The following IL21R variants were observed in gnomAD, a reference collection of about 807,000 sequenced individuals.
IL21R encodes the protein interleukin-21 receptor.
Under a neutral mutation model 41.3 loss-of-function variants are expected in IL21R, and 14 were observed. That is an observed-to-expected ratio of 0.34 (90% CI 0.22 to 0.53). The LOEUF (loss-of-function observed/expected upper bound fraction) is 0.53. Ranked by LOEUF, IL21R falls within the 20% of genes least tolerant of loss-of-function variation. IL21R has a pLI of 0.94. For missense variants in IL21R, 588 were observed against 681.6 expected, an observed-to-expected ratio of 0.86 and a Z score of 1.53; for synonymous variants, 286 against 287.6, an observed-to-expected ratio of 0.99 and a Z score of 0.05.
At chr16:27,409,545 A>G (rs1051045976) in intron 1 of IL21R, among the ~76,000 whole-genome samples, 8 of 151,998 alleles carry the variant, frequency 5.3e-5, no homozygotes, top group African/African-American at 1.9e-4. Context: ...ATTTTTCTGT[A>G]TGGTGTAAGG....
At chr16:27,405,041 A>ATTTTTTT in intron 1 of IL21R, among the ~76,000 whole-genome samples, 1 of 147,812 alleles carries the variant, frequency 6.8e-6, no homozygotes, top group East Asian at 2.0e-4. Context: ...TTTTTTTTTA[A>ATTTTTTT]TTTTTTTTTG....
At position 27,451,586 on chromosome 16, in the gene IL21R, G is replaced by A. The variant is rs1418721093; in HGVS notation, c.*2303G>A. 1 of 212,322 alleles carries A rather than the reference G, an allele frequency of 4.7e-6. No homozygotes were observed. The highest frequency in any genetic ancestry group is 9.5e-6 in the Non-Finnish European group (1 of 104,996). The allele number at this position is 212,322 out of a possible 1,614,324, so 13.2% of individuals were successfully genotyped here. A position where few individuals can be genotyped will look rare whatever the true frequency, so the allele number is the denominator to read the frequency against. On this transcript the variant is annotated 3_prime_UTR_variant, in exon 9 of 9. Coordinates refer to ENST00000337929, the MANE Select transcript of IL21R (RefSeq NM_181078.3). ...TTAAAAAAATTAGCCAGGTGTGGTG[G>A]TGCTTGCCTATAGTCCCAGCTACTC...
Position 27,444,714 on chromosome 16 carries a change from C to A in IL21R, c.680C>A (p.Ser227Ter). 2 of 1,498,214 alleles carry A rather than the reference C, an allele frequency of 1.3e-6. No homozygotes were observed. Among genetic ancestry groups the A allele is most frequent in the Non-Finnish European group, 1.8e-6 (2 of 1,122,720 alleles). 92.8% of individuals were successfully genotyped at this position (1,498,214 alleles called of 1,614,324 possible). ...GACCCGGTCATCTTTCAGACCCAGT[C>A]AGAGGGTAGGTGTGAAGCTGGGATG... ...WSDPVIFQTQ[S>*]EELKEGWNPH... The change falls in exon 6 of 9, where the codon TCA becomes TAA. Residue 227 changes from serine to a stop codon, truncating the protein, a stop_gained. Transcript: ENST00000337929. LOFTEE classifies it high-confidence loss of function.
chr16:27,440,031 G>A (rs1427210312), intron 4 of IL21R, among the ~76,000 whole-genome samples: 2 of 151,858 alleles, frequency 1.3e-5, no homozygotes, highest in Admixed American at 6.6e-5. Flanking sequence ...GGTTAGAAAC[G>A]ATTTCAGTCA....
chr16:27,439,430 A>G (rs1446432758), intron 4 of IL21R, among the ~76,000 whole-genome samples: 2 of 151,882 alleles, frequency 1.3e-5, no homozygotes, highest in Non-Finnish European at 2.9e-5. Context: ...CATCACTCAT[A>G]CATGGGCACA....
chr16:27,434,239 TG>T, intron 2 of IL21R, 107 bp from the exon 3 acceptor site: 4 of 716,626 alleles, frequency 5.6e-6, no homozygotes, highest in South Asian at 5.0e-5. Flanking sequence ...TGTCCCGGCC[TG>T]GGGACCCCTG....
chr16:27,440,913 T>C (rs2087376765), intron 4 of IL21R, among the ~76,000 whole-genome samples: 1 of 151,844 alleles, frequency 6.6e-6, no homozygotes, highest in Non-Finnish European at 1.5e-5. Context: ...TAGCCAGTCA[T>C]GGTGGTGCGC....
intron 3 of IL21R, 28 bp from the exon 4 acceptor site, chr16:27,437,460 G>A: frequency 1.2e-6 from 2 of 1,603,122 alleles, no homozygotes; most frequent in African/African-American, 1.3e-5. Flanking sequence ...CTGGCTTCCA[G>A]CCATGACCGG....
intron 1 of IL21R, among the ~76,000 whole-genome samples, chr16:27,419,124 A>G (rs2086956470): frequency 6.6e-6 from 1 of 152,160 alleles, no homozygotes; most frequent in Admixed American, 6.5e-5. Flanking sequence ...CTGAGACAGG[A>G]GAATCACTTG....
chr16:27,441,523 G>GA (rs1390778344), intron 4 of IL21R, among the ~76,000 whole-genome samples: 1 of 152,218 alleles, frequency 6.6e-6, no homozygotes, highest in Non-Finnish European at 1.5e-5. Flanking sequence ...AAACTGCCCA[G>GA]AGCAGGGCAG....
intron 1 of IL21R, among the ~76,000 whole-genome samples, chr16:27,405,281 T>C (rs897466824): frequency 2.6e-5 from 4 of 152,118 alleles, no homozygotes; most frequent in Non-Finnish European, 5.9e-5. Context: ...GATCTGCCTG[T>C]CTCAGTCTCC....
intron 2 of IL21R, 28 bp downstream of exon 2, chr16:27,430,148 TG>T: frequency 6.3e-7 from 1 of 1,594,660 alleles, no homozygotes. Flanking sequence ...GGTCTGCGGG[TG>T]GGGAGGGCCC....
intron 1 of IL21R, among the ~76,000 whole-genome samples, chr16:27,412,477 T>C (rs2086837064): frequency 6.6e-6 from 1 of 152,026 alleles, no homozygotes; most frequent in Non-Finnish European, 1.5e-5. Context: ...TTAGGGTCCC[T>C]TGAAGTTCCA....
In IL21R at chr16:27,446,060, T is replaced by C. The variant is rs1555498519; in HGVS notation, c.839T>C (p.Leu280Pro). 1 of 1,613,708 alleles carries C rather than the reference T, an allele frequency of 6.2e-7. No individual in the cohort carries two copies. The highest frequency in any genetic ancestry group is 8.5e-7 in the Non-Finnish European group (1 of 1,179,852). The change falls in exon 8 of 9, where the codon CTG becomes CCG. Residue 280 changes from leucine (L) to proline (P), a missense_variant. Leu to Pro is a moderately conservative substitution (Grantham distance 98). Transcript: ENST00000337929. ...AGCCCTGAGCGGTTCTTCATGCCCCTGTACAAGGGCTGCAGCGGAGACTTC... is the reference window on the plus strand; with the variant it reads ...AGCCCTGAGCGGTTCTTCATGCCCCCGTACAAGGGCTGCAGCGGAGACTTC... ...VPSPERFFMP[L>P]YKGCSGDFKK... is the part of the protein sequence containing the mutation.
chr16:27,432,580 C>T (rs1375464455), intron 2 of IL21R, among the ~76,000 whole-genome samples: 2 of 152,224 alleles, frequency 1.3e-5, no homozygotes, highest in Non-Finnish European at 1.5e-5. Context: ...GGTAGCTCCT[C>T]TCCAAATTCC....
rs1026492333 is a variant in IL21R, at chr16:27,451,024, T to C, written c.*1741T>C. 7.4e-5 allele frequency: 17 copies of C among 229,726 alleles called. No homozygotes were observed. Among genetic ancestry groups the C allele is most frequent in the Middle Eastern group, 1.3e-3 (1 of 794 alleles). The allele number at this position is 229,726 out of a possible 1,614,324, so 14.2% of individuals were successfully genotyped here. Reference sequence around the variant, plus strand: ...AGGCTGGAAGGTTCTAGAACACTGATGGTTATAAGAGTGGGACTGTGAGCC... The same window carrying C: ...AGGCTGGAAGGTTCTAGAACACTGACGGTTATAAGAGTGGGACTGTGAGCC... On this transcript the variant is annotated 3_prime_UTR_variant, in exon 9 of 9. Transcript: ENST00000337929.
At chr16:27,435,564 C>T (rs754906756) in intron 3 of IL21R, among the ~76,000 whole-genome samples, 13 of 151,804 alleles carry the variant, frequency 8.6e-5, no homozygotes, top group Non-Finnish European at 1.6e-4. Context: ...AGCAATCCCT[C>T]CACCTAAGCC....
Position 27,451,472 on chromosome 16 carries a change from G to T in IL21R, c.*2189G>T, listed in dbSNP as rs1370100139. The T allele has an allele frequency of 1.4e-5, 3 of 214,980 alleles. No homozygotes were observed. The highest frequency in any genetic ancestry group is 2.3e-5 in the African/African-American group (1 of 44,260). The allele number at this position is 214,980 out of a possible 1,614,324, so 13.3% of individuals were successfully genotyped here. Reference sequence around the variant, plus strand: ...ACCTGTGATCTCAGCACTTTGGGAGGCCAAGGAAGGTGGATCACTTGAGGC... The same window carrying T: ...ACCTGTGATCTCAGCACTTTGGGAGTCCAAGGAAGGTGGATCACTTGAGGC... On this transcript the variant is annotated 3_prime_UTR_variant, in exon 9 of 9. Transcript: ENST00000337929.
rs141126522 is a variant in IL21R, at chr16:27,418,004, CTATTTTATTTATTTTATTTT to C, written c.-16-12051_-16-12032del. Among the ~76,000 whole-genome samples the C allele has an allele frequency of 9.4e-4, 127 of 134,738 alleles. 1 individual carries two copies. Among genetic ancestry groups the C allele is most frequent in the East Asian group, 4.8e-3 (23 of 4,758 alleles). The allele number at this position is 134,738 out of a possible 152,430, so 88.4% of individuals were successfully genotyped here. On this transcript the variant is annotated intron_variant, in intron 1 of 8. Coordinates refer to ENST00000337929, the MANE Select transcript of IL21R (RefSeq NM_181078.3). ...ACTTTGGCTTACTGTAACATTTTTC[CTATTTTATTTATTTTATTTT>C]ATTTTATTTTATTTTATTTTATTTT... is the stretch of plus-strand genomic sequence containing the variant.
Sources: gnomAD v4.1 joint callset for allele counts (sites outside exome capture counted in the v4.1 genomes callset) on GRCh38, gnomAD v4.1.1 for gene constraint, MANE v1.5 for transcripts, NCBI Gene and HGNC (gene_info 2026-07-23, HGNC 2026-07-21) for gene names.